Variants in IGSF11 observed in about 807,000 individuals in gnomAD.
IGSF11 encodes the protein CXADR like 1.
Under a neutral mutation model 41.0 loss-of-function variants are expected in IGSF11, and 22 were observed. The observed-to-expected ratio is 0.54, with a 90% confidence interval of 0.38 to 0.77. The LOEUF is 0.77. Ranked by LOEUF, IGSF11 falls within the 30% of genes least tolerant of loss-of-function variation. IGSF11 has a pLI of 0.00. For synonymous variants in IGSF11, 219 were observed against 201.3 expected, an observed-to-expected ratio of 1.09 and a Z score of -0.74; for missense variants, 444 against 530.8, an observed-to-expected ratio of 0.84 and a Z score of 1.61.
At chr3:118,957,403 T>C (rs903578882) in intron 1 of IGSF11, among the ~76,000 whole-genome samples, 1 of 152,240 alleles carries the variant, frequency 6.6e-6, no homozygotes, top group African/African-American at 2.4e-5. Context: ...TAATTATTAA[T>C]TCAATTTCTT....
At chr3:118,925,967 C>A in intron 4 of IGSF11, 134 bp downstream of exon 4, 1 of 531,686 alleles carries the variant, frequency 1.9e-6, no homozygotes, top group Non-Finnish European at 3.0e-6. Context: ...AATTTGAAAA[C>A]ACAAAATGAT....
rs183971465 is a variant in IGSF11, at chr3:119,142,095, G to A, written c.-14+3718C>T. 5.9e-5 allele frequency among the ~76,000 whole-genome samples: 9 copies of A among 152,118 alleles called. No individual in the cohort carries two copies. In the East Asian group the frequency reaches 1.7e-3, roughly 29 times the overall value. ...TCAAAACCATCCTGACTAACACGGT[G>A]AAACCCCCTCTCTACTAAAAATACA... is the stretch of plus-strand genomic sequence containing the variant. On this transcript the variant is annotated intron_variant, in intron 1 of 7. Transcript: ENST00000425327.
At chr3:119,061,999 T>A (rs1413306234) in intron 1 of IGSF11, among the ~76,000 whole-genome samples, 1 of 152,164 alleles carries the variant, frequency 6.6e-6, no homozygotes, top group Non-Finnish European at 1.5e-5. Context: ...ATTGGGAAAG[T>A]CACTTAACCT....
intron 1 of IGSF11, among the ~76,000 whole-genome samples, chr3:119,024,423 A>C (rs1939618688): frequency 6.6e-6 from 1 of 152,222 alleles, no homozygotes; most frequent in Non-Finnish European, 1.5e-5. Flanking sequence ...ACCAAGATAA[A>C]ATACTAGGCA....
chr3:118,984,278 T>C (rs1281231860), intron 1 of IGSF11, among the ~76,000 whole-genome samples: 1 of 151,700 alleles, frequency 6.6e-6, no homozygotes, highest in African/African-American at 2.4e-5. Flanking sequence ...TTGCAGAAAA[T>C]AACAGGGACA....
At chr3:119,093,487 G>T (rs1315533514) in intron 1 of IGSF11, among the ~76,000 whole-genome samples, 3 of 151,738 alleles carry the variant, frequency 2.0e-5, no homozygotes, top group Admixed American at 2.0e-4. Flanking sequence ...GTAAATGCCT[G>T]TACCCAGCCA....
At position 118,930,001 on chromosome 3, in the gene IGSF11, T is replaced by G. The variant is rs994306279; in HGVS notation, c.216+111A>C. 4.6e-6 allele frequency: 5 copies of G among 1,090,330 alleles called. No homozygotes were observed. In the African/African-American group the frequency reaches 7.9e-5, roughly 17 times the overall value. 67.5% of individuals were successfully genotyped at this position (1,090,330 alleles called of 1,614,324 possible). Reference sequence around the variant, plus strand: ...AGGCCTTAAAAGAGTACACGCACATTGACAATGCCACCTTATTCTCGAAAC... The same window carrying G: ...AGGCCTTAAAAGAGTACACGCACATGGACAATGCCACCTTATTCTCGAAAC... On this transcript the variant is annotated intron_variant, in intron 2 of 6. Transcript: ENST00000393775.
intron 1 of IGSF11, among the ~76,000 whole-genome samples, chr3:118,996,085 G>A (rs1936246181): frequency 1.3e-5 from 2 of 152,110 alleles, no homozygotes; most frequent in African/African-American, 2.4e-5. Context: ...CGCATGGACA[G>A]CAAGCAGGTT....
upstream of IGSF11, among the ~76,000 whole-genome samples, chr3:119,038,626 A>C (rs1299717144): frequency 1.3e-5 from 2 of 152,220 alleles, no homozygotes; most frequent in Non-Finnish European, 2.9e-5. Context: ...TTAGGACTTG[A>C]AAAAGGCAAT....
At chr3:119,134,472 A>G (rs1007619120) in intron 1 of IGSF11, among the ~76,000 whole-genome samples, 1 of 152,192 alleles carries the variant, frequency 6.6e-6, no homozygotes, top group African/African-American at 2.4e-5. Flanking sequence ...CAATTGCTAC[A>G]AAGAGAATAA....
At chr3:119,085,437 T>C (rs2076655528) in intron 1 of IGSF11, among the ~76,000 whole-genome samples, 1 of 152,102 alleles carries the variant, frequency 6.6e-6, no homozygotes, top group Admixed American at 6.5e-5. Flanking sequence ...ATCATCCCAG[T>C]GAGATAGAAT....
chr3:118,925,956 A>G (rs1942251972), intron 4 of IGSF11, 145 bp downstream of exon 4: 2 of 478,662 alleles, frequency 4.2e-6, no homozygotes, highest in African/African-American at 2.0e-5. Context: ...TATTCACTTT[A>G]AATTTGAAAA....
At chr3:118,952,694 T>C (rs868622395) in intron 1 of IGSF11, among the ~76,000 whole-genome samples, 1 of 152,102 alleles carries the variant, frequency 6.6e-6, no homozygotes, top group Non-Finnish European at 1.5e-5. Flanking sequence ...GAATTTCCCA[T>C]GATTTTTTCA....
intron 1 of IGSF11, among the ~76,000 whole-genome samples, chr3:118,998,286 T>C (rs892130407): frequency 1.3e-5 from 2 of 152,146 alleles, no homozygotes; most frequent in African/African-American, 4.8e-5. Flanking sequence ...TTTAAATCAA[T>C]TGTTTTATAT....
At chr3:119,088,638 C>T (rs960214215) in intron 1 of IGSF11, among the ~76,000 whole-genome samples, 2 of 151,966 alleles carry the variant, frequency 1.3e-5, no homozygotes, top group African/African-American at 2.4e-5. Context: ...AAAATCCATA[C>T]AAAAGATCAA....
chr3:119,033,629 G>GA (rs975665187), intron 1 of IGSF11, among the ~76,000 whole-genome samples: 10 of 151,652 alleles, frequency 6.6e-5, no homozygotes, highest in East Asian at 1.9e-4. Flanking sequence ...GGTGTCTCCA[G>GA]AAAAAAAACA....
At chr3:118,955,248 A>ACACATACACACACACACC (rs1559955606) in intron 1 of IGSF11, among the ~76,000 whole-genome samples, 3 of 151,346 alleles carry the variant, frequency 2.0e-5, no homozygotes, top group Non-Finnish European at 4.4e-5. Flanking sequence ...ACACACACAC[A>ACACATACACACACACACC]CACACATACA....
upstream of IGSF11, among the ~76,000 whole-genome samples, chr3:119,037,366 G>A (rs1323718498): frequency 1.3e-5 from 2 of 152,148 alleles, no homozygotes. Context: ...CTTCACACAG[G>A]AGGATACTGT....
At position 118,949,544 on chromosome 3, in the gene IGSF11, T is replaced by G. The variant is rs540167041; in HGVS notation, c.53-19269A>C. Among the ~76,000 whole-genome samples the G allele has an allele frequency of 6.6e-5, 10 of 152,284 alleles. No individual in the cohort carries two copies. In the South Asian group the frequency reaches 2.1e-3, roughly 32 times the overall value. ...TCTAAGAGGCTTGAACAATGAAGCA[T>G]GCATAGCTGAAATGTGATGAAACCT... On this transcript the variant is annotated intron_variant, in intron 1 of 6. Coordinates refer to ENST00000393775, the MANE Select transcript of IGSF11 (RefSeq NM_001015887.3).
Sources: gnomAD v4.1 joint callset for allele counts (sites outside exome capture counted in the v4.1 genomes callset) on GRCh38, gnomAD v4.1.1 for gene constraint, MANE v1.5 for transcripts, NCBI Gene and HGNC (gene_info 2026-07-23, HGNC 2026-07-21) for gene names.